GRIN2A: variants seen among roughly 807,000 people sequenced by gnomAD.
GRIN2A encodes the protein glutamate receptor ionotropic, NMDA 2A.
Under a neutral mutation model 113.4 loss-of-function variants are expected in GRIN2A, and 22 were observed. The observed-to-expected ratio is 0.19, with a 90% CI of 0.14 to 0.28. The LOEUF is 0.28. Ranked by LOEUF, GRIN2A falls within the 10% of genes least tolerant of loss-of-function variation. The pLI, the probability that GRIN2A is intolerant of heterozygous loss-of-function variation, is 1.00. For missense variants in GRIN2A, 1,502 were observed against 1,887.0 expected, an observed-to-expected ratio of 0.80 and a Z score of 3.78; for synonymous variants, 827 against 738.4, an observed-to-expected ratio of 1.12 and a Z score of -1.94.
chr16:10,115,636 A>C (rs2142162252), intron 2 of GRIN2A, among the ~76,000 whole-genome samples: 1 of 152,290 alleles, frequency 6.6e-6, no homozygotes, highest in Admixed American at 6.5e-5. Context: ...CTGCAGGTGA[A>C]ATTTAGTGCA....
At chr16:10,017,834 AC>A (rs2046639385) in intron 2 of GRIN2A, among the ~76,000 whole-genome samples, 1 of 83,234 alleles carries the variant, frequency 1.2e-5, no homozygotes, top group African/African-American at 3.9e-5. Context: ...ATGATGCAAA[AC>A]AAATCAAAAT....
intron 10 of GRIN2A, among the ~76,000 whole-genome samples, chr16:9,816,395 G>A (rs1339648161): frequency 6.6e-6 from 1 of 152,134 alleles, no homozygotes; most frequent in African/African-American, 2.4e-5. Context: ...GAATGAAATC[G>A]CACAGGGGAC....
chr16:10,109,512 GC>G (rs1214960957), intron 2 of GRIN2A, among the ~76,000 whole-genome samples: 1 of 151,788 alleles, frequency 6.6e-6, no homozygotes, highest in African/African-American at 2.4e-5. Context: ...ATGCAAAAGT[GC>G]CCCACAAAAT....
At chr16:9,918,520 T>C (rs1027721177) in intron 3 of GRIN2A, among the ~76,000 whole-genome samples, 4 of 152,214 alleles carry the variant, frequency 2.6e-5, no homozygotes, top group African/African-American at 9.6e-5. Flanking sequence ...TATGGGTAAC[T>C]GGAATCACAG....
intron 11 of GRIN2A, among the ~76,000 whole-genome samples, chr16:9,778,976 G>T (rs760297541): frequency 6.6e-6 from 1 of 152,196 alleles, no homozygotes; most frequent in African/African-American, 2.4e-5. Flanking sequence ...CACATCCTGG[G>T]CAGGGAGGGT....
intron 5 of GRIN2A, among the ~76,000 whole-genome samples, chr16:9,847,567 T>C (rs921419361): frequency 2.1e-4 from 32 of 150,788 alleles, no homozygotes; most frequent in Middle Eastern, 3.4e-3. Context: ...CCTGTCATTA[T>C]ATAAAAAAAA....
At chr16:9,900,566 C>T (rs992421463) in intron 3 of GRIN2A, among the ~76,000 whole-genome samples, 1 of 152,198 alleles carries the variant, frequency 6.6e-6, no homozygotes, top group African/African-American at 2.4e-5. Context: ...TTTGACCCAA[C>T]TGGCCAAAGA....
intron 2 of GRIN2A, among the ~76,000 whole-genome samples, chr16:9,976,560 A>G (rs1187791212): frequency 3.3e-5 from 5 of 152,222 alleles, no homozygotes; most frequent in African/African-American, 1.2e-4. Context: ...TGCAAGCTCC[A>G]GGACCCTGAA....
chr16:9,783,507 T>C (rs1011823565), intron 11 of GRIN2A, among the ~76,000 whole-genome samples: 2 of 152,250 alleles, frequency 1.3e-5, no homozygotes, highest in Admixed American at 1.3e-4. Context: ...TTAAAGCTTA[T>C]CTGACTACGT....
chr16:9,788,967 C>T lies in GRIN2A; in HGVS notation c.2356+9310G>A, dbSNP rs549726388. ...CCATATTGGCCAGGCTGGTCTCGAA[C>T]TCCTGACCTCGTGATCCACCCTCCT... On this transcript the variant is annotated intron_variant, in intron 11 of 12. Transcript: ENST00000330684. Among the ~76,000 whole-genome samples the T allele has an allele frequency of 6.6e-5, 10 of 152,266 alleles. No homozygotes were observed. In the East Asian group the frequency reaches 1.9e-3, roughly 29 times the overall value.
intron 2 of GRIN2A, among the ~76,000 whole-genome samples, chr16:10,003,022 T>G (rs2046346997): frequency 6.6e-6 from 1 of 152,234 alleles, no homozygotes; most frequent in Admixed American, 6.5e-5. Flanking sequence ...GCCATATTGC[T>G]GCTGAGTGAG....
Position 9,761,016 on chromosome 16 carries a change from C to G in GRIN2A, c.*2133G>C, listed in dbSNP as rs536235196. The G allele has an allele frequency of 4.3e-6, 1 of 232,414 alleles. No individual in the cohort carries two copies. The highest frequency in any genetic ancestry group is 8.5e-6 in the Non-Finnish European group (1 of 117,638). The allele number at this position is 232,414 out of a possible 1,614,324, so 14.4% of individuals were successfully genotyped here. On this transcript the variant is annotated 3_prime_UTR_variant, in exon 13 of 13. Transcript: ENST00000330684. The stretch of plus-strand genomic sequence containing the variant: ...CTTGGGGCAGCAGAGGTACAGCATC[C>G]GGGAAATAAAATGTCATTTTCAAGC...
chr16:9,908,500 G>T (rs1399229282), intron 3 of GRIN2A, among the ~76,000 whole-genome samples: 3 of 151,842 alleles, frequency 2.0e-5, no homozygotes, highest in African/African-American at 7.3e-5. Context: ...AAATAATTGT[G>T]GGGAGAGTAG....
chr16:9,797,719 C>G (rs1391580187), intron 11 of GRIN2A, among the ~76,000 whole-genome samples: 1 of 152,136 alleles, frequency 6.6e-6, no homozygotes, highest in Non-Finnish European at 1.5e-5. Flanking sequence ...TAATTTTGTA[C>G]AGCAGCGTTT....
At chr16:10,109,839 T>C (rs2048577143) in intron 2 of GRIN2A, among the ~76,000 whole-genome samples, 1 of 152,080 alleles carries the variant, frequency 6.6e-6, no homozygotes, top group Non-Finnish European at 1.5e-5. Flanking sequence ...TATTAAAACA[T>C]CTCATGTACC....
chr16:10,046,707 C>T (rs1197750627), intron 2 of GRIN2A, among the ~76,000 whole-genome samples: 1 of 152,122 alleles, frequency 6.6e-6, no homozygotes, highest in Non-Finnish European at 1.5e-5. Flanking sequence ...ACCATAAATT[C>T]TGCACCCTTT....
chr16:10,035,829 T>C (rs2047015224), intron 2 of GRIN2A, among the ~76,000 whole-genome samples: 1 of 151,820 alleles, frequency 6.6e-6, no homozygotes, highest in South Asian at 2.1e-4. Flanking sequence ...GTTCAAGCAA[T>C]TCTCATACCT....
chr16:9,977,661 C>A (rs1368049889), intron 2 of GRIN2A, among the ~76,000 whole-genome samples: 3 of 152,076 alleles, frequency 2.0e-5, no homozygotes, highest in Non-Finnish European at 4.4e-5. Context: ...AAATTTTAAC[C>A]AGTACATATA....
At chr16:9,834,002 C>T in intron 8 of GRIN2A, 103 bp downstream of exon 8, 2 of 1,158,354 alleles carry the variant, frequency 1.7e-6, no homozygotes, top group Non-Finnish European at 2.6e-6. Context: ...CAGGCGTGAG[C>T]CACCATGCCT....
Sources: gnomAD v4.1 joint callset for allele counts (sites outside exome capture counted in the v4.1 genomes callset) on GRCh38, gnomAD v4.1.1 for gene constraint, MANE v1.5 for transcripts, NCBI Gene and HGNC (gene_info 2026-07-23, HGNC 2026-07-21) for gene names.